Variants in MED12L observed in about 807,000 individuals in gnomAD.
The protein encoded by MED12L is mediator complex subunit 12L.
A neutral mutation model predicts 281.3 loss-of-function variants in MED12L; 60 were observed. That is an observed-to-expected ratio of 0.21 (90% CI 0.17 to 0.26). The LOEUF (loss-of-function observed/expected upper bound fraction) is 0.26. Ranked by LOEUF, MED12L falls within the 10% of genes least tolerant of loss-of-function variation. The pLI, the probability that MED12L is intolerant of heterozygous loss-of-function variation, is 1.00. For missense variants in MED12L, 2,146 were observed against 2,680.9 expected, an observed-to-expected ratio of 0.80 and a Z score of 4.41; for synonymous variants, 974 against 987.2, an observed-to-expected ratio of 0.99 and a Z score of 0.25.
At chr3:151,354,800 A>G (rs1357589970) in intron 17 of MED12L, among the ~76,000 whole-genome samples, 3 of 152,204 alleles carry the variant, frequency 2.0e-5, no homozygotes, top group African/African-American at 7.2e-5. Context: ...GTTGATTGCA[A>G]GATGCCAGAT....
intron 16 of MED12L, among the ~76,000 whole-genome samples, chr3:151,331,138 T>C (rs901475659): frequency 9.2e-5 from 14 of 152,238 alleles, no homozygotes; most frequent in Non-Finnish European, 1.8e-4. Flanking sequence ...TCTAGAGTTA[T>C]GGAAATAGAG....
At chr3:151,366,826 A>G (rs1461568112) in intron 23 of MED12L, among the ~76,000 whole-genome samples, 1 of 152,110 alleles carries the variant, frequency 6.6e-6, no homozygotes, top group East Asian at 1.9e-4. Flanking sequence ...GAAGAGACTT[A>G]AATTTTTATC....
chr3:151,320,861 C>T (rs566239474), intron 16 of MED12L, among the ~76,000 whole-genome samples: 173 of 152,292 alleles, frequency 1.1e-3, no homozygotes, highest in South Asian at 1.2e-3. Context: ...TGGAACATCT[C>T]CACTTAGCAG....
intron 26 of MED12L, among the ~76,000 whole-genome samples, chr3:151,370,071 A>G (rs576418346): frequency 1.3e-5 from 2 of 152,296 alleles, no homozygotes; most frequent in East Asian, 1.9e-4. Context: ...TATTATTGAT[A>G]AATCAATATT....
At chr3:151,250,240 GA>G (rs1006348645) in intron 16 of MED12L, among the ~76,000 whole-genome samples, 8 of 152,074 alleles carry the variant, frequency 5.3e-5, no homozygotes, top group Non-Finnish European at 1.0e-4. Flanking sequence ...CATTTTGAAA[GA>G]TTTTTTTTGT....
Position 151,257,765 on chromosome 3 carries a change from A to G in MED12L, c.2250+64099A>G, listed in dbSNP as rs1029291595. 5.9e-5 allele frequency among the ~76,000 whole-genome samples: 9 copies of G among 152,304 alleles called. No individual in the cohort carries two copies. The East Asian group carries it at 1.2e-3, about 20-fold the overall frequency. ...TGGTATTTATGGAGCTATATCTCAC[A>G]ACAATTTTCCTCTGGCTTACATTTT... On this transcript the variant is annotated intron_variant, in intron 16 of 44. Transcript: ENST00000687756.
intron 43 of MED12L, among the ~76,000 whole-genome samples, chr3:151,420,626 A>G (rs926891785): frequency 3.9e-5 from 6 of 152,190 alleles, no homozygotes; most frequent in Admixed American, 1.3e-4. Flanking sequence ...CCTGCAAAGT[A>G]TTGTCACCTA....
intron 2 of MED12L, among the ~76,000 whole-genome samples, chr3:151,091,297 C>T (rs550899369): frequency 1.3e-5 from 2 of 152,172 alleles, no homozygotes; most frequent in South Asian, 2.1e-4. Flanking sequence ...TGTCTGCATG[C>T]GGATATCCCA....
chr3:151,343,065 A>G (rs911901438), intron 16 of MED12L, among the ~76,000 whole-genome samples: 7 of 151,584 alleles, frequency 4.6e-5, no homozygotes, highest in African/African-American at 1.7e-4. Flanking sequence ...TCCCTATCAC[A>G]CCCTCTCCTC....
At chr3:151,343,744 A>G (rs984620933) in intron 16 of MED12L, among the ~76,000 whole-genome samples, 6 of 126,062 alleles carry the variant, frequency 4.8e-5, no homozygotes, top group African/African-American at 1.9e-4. Context: ...TTTTACTTTT[A>G]AGTGGCTTAA....
intron 16 of MED12L, among the ~76,000 whole-genome samples, chr3:151,313,899 G>A (rs1297778244): frequency 6.6e-6 from 1 of 150,572 alleles, no homozygotes; most frequent in African/African-American, 2.4e-5. Context: ...ACTCCAACCT[G>A]GTGACAGAGC....
At chr3:151,110,013 G>A (rs1401350491) in intron 2 of MED12L, among the ~76,000 whole-genome samples, 3 of 152,152 alleles carry the variant, frequency 2.0e-5, no homozygotes, top group Admixed American at 6.5e-5. Flanking sequence ...AGAACTGTTG[G>A]CTAGATATAG....
At chr3:151,336,534 TGA>T (rs1415168298) in intron 16 of MED12L, 2 of 456,520 alleles carry the variant, frequency 4.4e-6, no homozygotes, top group Non-Finnish European at 8.8e-6. Context: ...TCCTTCTGTT[TGA>T]GAGTCACCTC....
chr3:151,151,762 A>G (rs576945465), intron 5 of MED12L, among the ~76,000 whole-genome samples: 2 of 152,318 alleles, frequency 1.3e-5, no homozygotes, highest in African/African-American at 4.8e-5. Context: ...AACAGACATA[A>G]TAATAACTGA....
chr3:151,140,171 T>C (rs891785453), intron 5 of MED12L, among the ~76,000 whole-genome samples: 1 of 152,214 alleles, frequency 6.6e-6, no homozygotes, highest in Non-Finnish European at 1.5e-5. Flanking sequence ...TTTGTAAAAA[T>C]TGGAAGACCT....
chr3:151,158,868 G>A, intron 7 of MED12L, 69 bp downstream of exon 7: 1 of 1,026,668 alleles, frequency 9.7e-7, no homozygotes, highest in Non-Finnish European at 1.5e-6. Flanking sequence ...GAATGATTAG[G>A]TAAGTGGAAG....
intron 2 of MED12L, among the ~76,000 whole-genome samples, chr3:151,105,720 C>CTGAA (rs1721932275): frequency 6.6e-6 from 1 of 152,212 alleles, no homozygotes. Flanking sequence ...CATCTCCAGG[C>CTGAA]TTCAGTCACT....
At chr3:151,367,579 G>A in intron 23 of MED12L, 67 bp from the exon 24 acceptor site, 2 of 1,434,468 alleles carry the variant, frequency 1.4e-6, no homozygotes, top group Non-Finnish European at 1.9e-6. Context: ...CATTCTCTTA[G>A]TTATTAATCT....
At position 151,151,272 on chromosome 3, in the gene MED12L, C is replaced by T. The variant is rs113069349; in HGVS notation, c.557-4889C>T. Reference sequence around the variant, plus strand: ...CAGGATGGTCTCCATCTCCTGACCACGTGATCCGCATGCCTCTGCCTCCCA... The same window carrying T: ...CAGGATGGTCTCCATCTCCTGACCATGTGATCCGCATGCCTCTGCCTCCCA... On this transcript the variant is annotated intron_variant, in intron 5 of 44. Transcript: ENST00000687756. Among the ~76,000 whole-genome samples the T allele has an allele frequency of 3.8e-3, 572 of 151,902 alleles. 2 individuals carry two copies. The highest frequency in any genetic ancestry group is 8.2e-3 in the African/African-American group (341 of 41,424).
Sources: allele counts gnomAD v4.1 joint callset (sites outside exome capture counted in the v4.1 genomes callset), GRCh38; gene constraint gnomAD v4.1.1; transcripts MANE v1.5; gene names NCBI Gene and HGNC (gene_info 2026-07-23, HGNC 2026-07-21).